MTHFD1: variants seen among roughly 807,000 people sequenced by gnomAD.
MTHFD1 encodes the protein C-1-tetrahydrofolate synthase, cytoplasmic.
Under a neutral mutation model 110.3 loss-of-function variants are expected in MTHFD1, and 44 were observed. The observed-to-expected ratio is 0.40, with a 90% CI of 0.31 to 0.51. The LOEUF (loss-of-function observed/expected upper bound fraction) is 0.51, where lower values mean the gene tolerates loss of function less well. Ranked by LOEUF, MTHFD1 falls within the 20% of genes least tolerant of loss-of-function variation. The pLI, the probability that MTHFD1 is intolerant of heterozygous loss-of-function variation, is 0.60. For missense variants in MTHFD1, 909 were observed against 1,173.1 expected (o/e 0.77, Z 3.29); for synonymous variants, 402 against 428.8 (o/e 0.94, Z 0.77).
Position 64,459,836 on chromosome 14 carries a change from A to G in MTHFD1, c.*82A>G. ...AGGCCCACTGGGAGTTAGGAAGTAT[A>G]AGTAAGCCAAGAGAAGTCAGCCCCT... is the stretch of plus-strand genomic sequence containing the variant. On this transcript the variant is annotated 3_prime_UTR_variant, in exon 28 of 28. Coordinates refer to ENST00000652337, the MANE Select transcript of MTHFD1 (RefSeq NM_005956.4). 1 of 1,535,994 alleles carries G rather than the reference A, an allele frequency of 6.5e-7. No homozygotes were observed. The highest frequency in any genetic ancestry group is 1.2e-5 in the South Asian group (1 of 84,056).
chr14:64,415,450 TGAA>T lies in MTHFD1; in HGVS notation c.338_340del (p.Glu113del). The T allele has an allele frequency of 1.2e-6, 2 of 1,614,144 alleles. No individual in the cohort carries two copies. The highest frequency in any genetic ancestry group is 1.7e-6 in the Non-Finnish European group (2 of 1,179,964). On this transcript the variant is annotated inframe_deletion, in exon 5 of 28. Coordinates refer to ENST00000652337, the MANE Select transcript of MTHFD1 (RefSeq NM_005956.4). Reference sequence around the variant, plus strand: ...TAGATTCAGAGAATTCCATTAACACTGAAGAAGTGATCAATGCTATTGCACCCG... The same window carrying T: ...TAGATTCAGAGAATTCCATTAACACTGAAGTGATCAATGCTATTGCACCCG...
rs34166790 is a variant in MTHFD1, at chr14:64,408,285, C to CCTTT, written c.127-2805_127-2804insCTTT. Among the ~76,000 whole-genome samples the CCTTT allele has an allele frequency of 1.9e-3, 233 of 121,168 alleles. 21 individuals are homozygous for CCTTT. Among genetic ancestry groups the CCTTT allele is most frequent in the African/African-American group, 4.6e-3 (141 of 30,548 alleles). The allele number at this position is 121,168 out of a possible 152,430, so 79.5% of individuals were successfully genotyped here. On this transcript the variant is annotated intron_variant, in intron 2 of 27. Coordinates refer to ENST00000652337, the MANE Select transcript of MTHFD1 (RefSeq NM_005956.4). The stretch of plus-strand genomic sequence containing the variant: ...CCACCTTCAAGGAGAAATCAGCATT[C>CCTTT]TTTTTTTTTTTTTTTTTTTTGAGAT...
At position 64,431,825 on chromosome 14, in the gene MTHFD1, G is replaced by A. The variant is rs369726490; in HGVS notation, c.1458G>A (p.Val486=). The A allele has an allele frequency of 6.2e-7, 1 of 1,614,062 alleles. No individual in the cohort carries two copies. The highest frequency in any genetic ancestry group is 1.3e-5 in the African/African-American group (1 of 74,918). The change falls in exon 15 of 28, where the codon GTG becomes GTA. Residue 486 remains valine (V), a synonymous_variant. Coordinates refer to ENST00000652337, the MANE Select transcript of MTHFD1 (RefSeq NM_005956.4). ...FNRLVPSVNG[V]RRFSDIQIRR... ...GTTTGGTGCCATCAGTAAATGGAGT[G>A]AGAAGGTTCTCTGACATCCAAATCC... is the stretch of plus-strand genomic sequence containing the variant.
chr14:64,438,797 T>C (rs1256210575), intron 16 of MTHFD1, among the ~76,000 whole-genome samples: 3 of 152,214 alleles, frequency 2.0e-5, no homozygotes, highest in African/African-American at 7.2e-5. Context: ...TGCTCTGTTT[T>C]TCTTATATGT....
chr14:64,425,887 T>C (rs773337640), intron 10 of MTHFD1, 60 bp downstream of exon 10: 165 of 1,579,332 alleles, frequency 1.0e-4, no homozygotes, highest in Non-Finnish European at 1.3e-4. Context: ...AGTTGACAGA[T>C]ACTGTGGGTT....
chr14:64,430,360 G>A (rs762282682), intron 13 of MTHFD1, 130 bp downstream of exon 13: 12 of 836,792 alleles, frequency 1.4e-5, no homozygotes, highest in Non-Finnish European at 2.2e-5. Flanking sequence ...GTGCAATGGC[G>A]CAATCTCGGC....
intron 6 of MTHFD1, 68 bp downstream of exon 6, chr14:64,415,807 A>AT: frequency 6.8e-7 from 1 of 1,473,020 alleles, no homozygotes; most frequent in Non-Finnish European, 9.4e-7. Context: ...ATGTGGTGGC[A>AT]TAGAGGAGGT....
At position 64,417,998 on chromosome 14, in the gene MTHFD1, T is replaced by G. The variant is rs1442151223; in HGVS notation, c.589T>G (p.Ser197Ala). The change falls in exon 7 of 28, where the codon TCC (serine) becomes GCC (alanine). Residue 197 changes from serine (S) to alanine (A), a missense_variant. By Grantham distance (99) the Ser-to-Ala change is moderately conservative. This residue lies in a region of MTHFD1 where 424 missense variants were observed against 510.4 expected (regional missense o/e 0.83). Coordinates refer to ENST00000652337, the MANE Select transcript of MTHFD1 (RefSeq NM_005956.4). This position sits in a 1 kb window ranked among gnomAD's most constrained non-coding sequence, Gnocchi z 4.4. ...CAATGCCACAGTGACCACCTGCCACTCCAAGACTGCCCATCTGGATGAGGA... is the reference window on the plus strand; with the variant it reads ...CAATGCCACAGTGACCACCTGCCACGCCAAGACTGCCCATCTGGATGAGGA... ...WNNATVTTCH[S>A]KTAHLDEEVN... 1 of 1,613,962 alleles carries G rather than the reference T, an allele frequency of 6.2e-7. No homozygotes were observed. The highest frequency in any genetic ancestry group is 8.5e-7 in the Non-Finnish European group (1 of 1,179,996).
chr14:64,432,475 A>C (rs2078167646), intron 15 of MTHFD1, among the ~76,000 whole-genome samples: 1 of 152,228 alleles, frequency 6.6e-6, no homozygotes, highest in African/African-American at 2.4e-5. Context: ...GAACTAATCT[A>C]AATGTCTTTC....
At chr14:64,402,048 T>G (rs1179372725) in intron 2 of MTHFD1, among the ~76,000 whole-genome samples, 1 of 152,220 alleles carries the variant, frequency 6.6e-6, no homozygotes, top group Non-Finnish European at 1.5e-5. Flanking sequence ...GTGGGTATTT[T>G]TCTTTGATGT....
Position 64,411,791 on chromosome 14 carries a change from C to T in MTHFD1, c.186+642C>T, listed in dbSNP as rs183604956. ...TGGCGCATGCCTGTAATCCCAGCTA[C>T]TCGGGAGGCTGAGGCAGGAGAATCG... On this transcript the variant is annotated intron_variant, in intron 3 of 27. Coordinates refer to ENST00000652337, the MANE Select transcript of MTHFD1 (RefSeq NM_005956.4). Among the ~76,000 whole-genome samples the T allele has an allele frequency of 9.9e-5, 15 of 152,206 alleles. 1 individual carries two copies. In the South Asian group the frequency reaches 2.1e-3, roughly 21 times the overall value.
chr14:64,411,457 T>C (rs115261716), intron 3 of MTHFD1, among the ~76,000 whole-genome samples: 167 of 152,332 alleles, frequency 1.1e-3, no homozygotes, highest in African/African-American at 4.0e-3. Context: ...GACAGGTCTA[T>C]ACCTTTCTCC....
intron 8 of MTHFD1, among the ~76,000 whole-genome samples, chr14:64,422,736 T>C (rs1207351478): frequency 6.6e-6 from 1 of 152,098 alleles, no homozygotes; most frequent in East Asian, 1.9e-4. Context: ...TTTTTGTACA[T>C]GTGATTTCCC....
chr14:64,419,540 C>T (rs1171329937), intron 7 of MTHFD1, among the ~76,000 whole-genome samples: 3 of 152,100 alleles, frequency 2.0e-5, no homozygotes, highest in Non-Finnish European at 4.4e-5. Flanking sequence ...CCTGTTTGCC[C>T]CTCTGCCTTG....
At chr14:64,408,056 T>A (rs1458484086) in intron 2 of MTHFD1, among the ~76,000 whole-genome samples, 1 of 152,008 alleles carries the variant, frequency 6.6e-6, no homozygotes, top group Non-Finnish European at 1.5e-5. Context: ...ATTAGTAAAC[T>A]GTGGCCCGTA....
At chr14:64,426,231 T>G (rs774210586) in intron 11 of MTHFD1, 39 bp downstream of exon 11, 12 of 1,612,378 alleles carry the variant, frequency 7.4e-6, no homozygotes, top group Non-Finnish European at 1.0e-5. Flanking sequence ...AATCTTAGTA[T>G]CAGTCCTGAT....
chr14:64,412,395 A>T, intron 3 of MTHFD1, 77 bp from the exon 4 acceptor site: 2 of 1,049,226 alleles, frequency 1.9e-6, no homozygotes, highest in African/African-American at 1.6e-5. Context: ...CTTGCTTGTT[A>T]GTCATGTCTG....
At chr14:64,396,928 C>T (rs1201572011) in intron 1 of MTHFD1, among the ~76,000 whole-genome samples, 1 of 145,368 alleles carries the variant, frequency 6.9e-6, no homozygotes, top group Non-Finnish European at 1.5e-5. Context: ...CACGGTGAAA[C>T]CCCGTCTCTA....
rs750570265 is a variant in MTHFD1 at position 64,419,903 on chromosome 14, C to A, written c.705C>A (p.Asp235Glu). ...EWIKPGAIVIDCGINYVPDDK... is the reference protein window; with the variant it reads ...EWIKPGAIVIECGINYVPDDK... The stretch of plus-strand genomic sequence containing the variant: ...TCAAACCTGGGGCAATAGTCATCGA[C>A]TGTGGAATCAATTATGTCCCAGGTG... Residue 235 changes from aspartate to glutamate, a missense_variant, in exon 8 of 28, where the codon GAC (aspartate) becomes GAA (glutamate). By Grantham distance (45) the Asp-to-Glu change is conservative (BLOSUM62 2). Transcript: ENST00000652337. The A allele has an allele frequency of 1.9e-6, 3 of 1,613,642 alleles. No individual in the cohort carries two copies. Among genetic ancestry groups the A allele is most frequent in the Non-Finnish European group, 2.5e-6 (3 of 1,179,694 alleles).
Sources: allele counts gnomAD v4.1 joint callset (sites outside exome capture counted in the v4.1 genomes callset), GRCh38; gene constraint gnomAD v4.1.1; regional missense constraint gnomAD v4.1.1; non-coding constraint Gnocchi (gnomAD v3.1); transcripts MANE v1.5; gene names NCBI Gene and HGNC (gene_info 2026-07-23, HGNC 2026-07-21).